Variants in ME2 observed in about 807,000 individuals in gnomAD.
ME2 encodes malic enzyme 2, also known as NAD-dependent malic enzyme, mitochondrial.
A neutral mutation model predicts 73.7 loss-of-function variants in ME2; 60 were observed. The ratio of observed to expected loss-of-function variants is 0.81; its 90% CI spans 0.66 to 1.01. The LOEUF is 1.01. Ranked by LOEUF, ME2 falls within the 50% of genes least tolerant of loss-of-function variation. ME2 has a pLI of 0.00. For missense variants in ME2, 594 were observed against 705.5 expected (o/e 0.84, Z 1.79); for synonymous variants, 199 against 236.9 (o/e 0.84, Z 1.47).
intron 1 of ME2, among the ~76,000 whole-genome samples, 183 bp downstream of exon 1, chr18:50,879,491 G>A (rs1916260280): frequency 6.6e-6 from 1 of 152,176 alleles, no homozygotes; most frequent in Admixed American, 6.5e-5. Context: ...AGTCCGGGCT[G>A]AGGGCGAGGG....
At position 50,944,252 on chromosome 18, in the gene ME2, A is replaced by C. The variant is rs1282805483; in HGVS notation, c.1588-2765A>C. Among the ~76,000 whole-genome samples the C allele has an allele frequency of 2.6e-5, 4 of 152,310 alleles. No individual in the cohort carries two copies. The East Asian group carries it at 7.7e-4, about 29-fold the overall frequency. ...AGAGAGAGAAATAATTGGTATATCC[A>C]AATGAGAGGTAGTACATGAGGTCAT... On this transcript the variant is annotated intron_variant, in intron 15 of 15. Transcript: ENST00000321341.
At position 50,918,222 on chromosome 18, in the gene ME2, T is replaced by C. The variant is rs1917331986; in HGVS notation, c.734+9T>C. The C allele has an allele frequency of 2.5e-6, 4 of 1,584,896 alleles. No individual in the cohort carries two copies. The East Asian group carries it at 9.0e-5, about 36-fold the overall frequency. On this transcript the variant is annotated intron_variant, in intron 7 of 15. Coordinates refer to ENST00000321341, the MANE Select transcript of ME2 (RefSeq NM_002396.5). ...AAAGCTATTACTGACAGGTATTTTT[T>C]AAAAGTTTGAGTATATGAAAGCACC...
chr18:50,890,974 A>C (rs898176031), intron 1 of ME2, among the ~76,000 whole-genome samples: 1 of 152,202 alleles, frequency 6.6e-6, no homozygotes, highest in Non-Finnish European at 1.5e-5. Context: ...GGTACTGAAG[A>C]TAAACGTATG....
intron 2 of ME2, among the ~76,000 whole-genome samples, chr18:50,906,262 AG>A (rs1917017203): frequency 6.6e-6 from 1 of 152,108 alleles, no homozygotes. Flanking sequence ...TACTCCTCCC[AG>A]GGTTTGTTGT....
At chr18:50,892,353 C>T (rs180810355) in intron 1 of ME2, among the ~76,000 whole-genome samples, 62 of 152,246 alleles carry the variant, frequency 4.1e-4, no homozygotes, top group Non-Finnish European at 6.9e-4. Context: ...CTAGCCTGAG[C>T]TCAGAATGAG....
intron 5 of ME2, 93 bp downstream of exon 5, chr18:50,916,336 C>G: frequency 9.9e-7 from 1 of 1,011,708 alleles, no homozygotes; most frequent in Non-Finnish European, 1.5e-6. Context: ...TTGTTGCTCT[C>G]ATTTATTTTG....
intron 15 of ME2, among the ~76,000 whole-genome samples, chr18:50,940,855 T>C (rs534410603): frequency 6.6e-5 from 10 of 152,338 alleles, no homozygotes; most frequent in Admixed American, 4.6e-4. Context: ...ATAATTCTCA[T>C]GTATGTGATC....
intron 15 of ME2, among the ~76,000 whole-genome samples, chr18:50,941,988 G>T (rs1462971724): frequency 6.6e-6 from 1 of 151,712 alleles, no homozygotes; most frequent in East Asian, 1.9e-4. Flanking sequence ...TTTCCCACTT[G>T]TCATTTGTTT....
At chr18:50,912,670 G>GT (rs1917184367) in intron 3 of ME2, 131 bp from the exon 4 acceptor site, 109 of 764,054 alleles carry the variant, frequency 1.4e-4, no homozygotes, top group South Asian at 2.1e-4. Context: ...AAGGTTTTGG[G>GT]TTTTTTTTAG....
intron 3 of ME2, among the ~76,000 whole-genome samples, chr18:50,908,957 T>TTTTC (rs1917083311): frequency 6.6e-5 from 1 of 15,248 alleles, no homozygotes; most frequent in African/African-American, 3.6e-4. Flanking sequence ...TTTTCTTTTC[T>TTTTC]TTTTTTTTTT....
chr18:50,913,546 T>G (rs917522426), intron 4 of ME2, among the ~76,000 whole-genome samples: 11 of 152,144 alleles, frequency 7.2e-5, no homozygotes, highest in Admixed American at 2.0e-4. Flanking sequence ...TTGGCTGGGC[T>G]GGTCTTGAAC....
rs530667698 is a variant in ME2, at chr18:50,905,265, G to A, written c.109-2798G>A. On this transcript the variant is annotated intron_variant, in intron 2 of 15. Transcript: ENST00000321341. ...CTCCCAAAGTGCTGGGATTAGAGGC[G>A]TGAGCCACCGCACCTGGCAGTTCAT... 4.6e-5 allele frequency among the ~76,000 whole-genome samples: 7 copies of A among 152,216 alleles called. No individual in the cohort carries two copies. In the South Asian group the frequency reaches 1.5e-3, roughly 32 times the overall value.
chr18:50,883,523 C>T (rs994955039), intron 1 of ME2, among the ~76,000 whole-genome samples: 2 of 152,130 alleles, frequency 1.3e-5, no homozygotes, highest in Admixed American at 1.3e-4. Flanking sequence ...AGGGGCAAGG[C>T]AGTGACCATA....
At chr18:50,886,175 AAG>A (rs1479992118) in intron 1 of ME2, among the ~76,000 whole-genome samples, 1 of 151,726 alleles carries the variant, frequency 6.6e-6, no homozygotes, top group African/African-American at 2.4e-5. Flanking sequence ...TTTAAAAAAA[AAG>A]GAAAACTTGG....
chr18:50,920,685 GTCT>G lies in ME2; in HGVS notation c.874_876del (p.Leu292del). On this transcript the variant is annotated inframe_deletion, in exon 9 of 16. Coordinates refer to ENST00000321341, the MANE Select transcript of ME2 (RefSeq NM_002396.5). ...GGGACAGCTGCAGTAGCTCTAGCAG[GTCT>G]TCTTGCAGCACAAAAAGTTATTAGT... 1 of 1,612,236 alleles carries G rather than the reference GTCT, an allele frequency of 6.2e-7. No homozygotes were observed. Among genetic ancestry groups the G allele is most frequent in the African/African-American group, 1.3e-5 (1 of 74,946 alleles).
At chr18:50,914,534 G>GT (rs1311300763) in intron 4 of ME2, among the ~76,000 whole-genome samples, 4 of 151,854 alleles carry the variant, frequency 2.6e-5, no homozygotes, top group African/African-American at 7.3e-5. Flanking sequence ...TGTGCTATGG[G>GT]TTTTTTTTGT....
At chr18:50,929,485 C>CAAAA (rs57774392) in intron 12 of ME2, among the ~76,000 whole-genome samples, 1 of 123,082 alleles carries the variant, frequency 8.1e-6, no homozygotes. Flanking sequence ...AAGACTGTCT[C>CAAAA]AAAAAAAAAA....
intron 1 of ME2, among the ~76,000 whole-genome samples, chr18:50,881,894 T>G (rs1916332579): frequency 6.6e-6 from 1 of 152,170 alleles, no homozygotes; most frequent in Non-Finnish European, 1.5e-5. Context: ...ATTAAATAGG[T>G]CTTGTAGTTT....
rs1917539037 is a variant in ME2 at position 50,925,844 on chromosome 18, TA to T, written c.1262del (p.Asn421IlefsTer32). The T allele has an allele frequency of 2.5e-6, 4 of 1,611,582 alleles. No individual in the cohort carries two copies. In the East Asian group the frequency reaches 8.9e-5, roughly 36 times the overall value. ...NERPVIFALS[N>X]PTAQAECTAE... is the part of the protein sequence containing the mutation. ...AAAGGCCTGTAATATTTGCATTAAG[TA>T]ATCCTACAGCACAGGCAGAGTGCAC... On this transcript the variant is annotated frameshift_variant, in exon 12 of 16. Transcript: ENST00000321341. LOFTEE classifies it high-confidence loss of function.
Sources: allele counts gnomAD v4.1 joint callset (sites outside exome capture counted in the v4.1 genomes callset), GRCh38; gene constraint gnomAD v4.1.1; transcripts MANE v1.5; gene names NCBI Gene and HGNC (gene_info 2026-07-23, HGNC 2026-07-21).